Variants in SCN10A observed in about 807,000 individuals in gnomAD.
SCN10A encodes sodium voltage-gated channel alpha subunit 10.
In SCN10A, 162 loss-of-function variants were observed where a neutral mutation model predicts 170.7. The ratio of observed to expected loss-of-function variants is 0.95; its 90% CI spans 0.84 to 1.08. The LOEUF is 1.08. Among genes scored for constraint, SCN10A ranks in the 50% least tolerant of loss-of-function variants. The pLI, the probability that SCN10A is intolerant of heterozygous loss-of-function variation, is 0.00. For synonymous variants in SCN10A, 985 were observed against 904.6 expected (o/e 1.09, Z -1.59); for missense variants, 2,527 against 2,436.9 (o/e 1.04, Z -0.78).
At chr3:38,761,075 G>T in intron 7 of SCN10A, 117 bp downstream of exon 7, 1 of 828,524 alleles carries the variant, frequency 1.2e-6, no homozygotes, top group Non-Finnish European at 1.9e-6. Flanking sequence ...ATTTTGGCAG[G>T]AAAGGGGAGT....
At chr3:38,748,349 T>C (rs1353703667) in intron 13 of SCN10A, among the ~76,000 whole-genome samples, 2 of 152,214 alleles carry the variant, frequency 1.3e-5, no homozygotes, top group Non-Finnish European at 2.9e-5. Context: ...TACACGTTGT[T>C]GTTGAGAAAT....
Position 38,805,405 on chromosome 3 carries a change from G to C in SCN10A, c.-33+10632C>G, listed in dbSNP as rs139803749. Among the ~76,000 whole-genome samples the C allele has an allele frequency of 2.0e-5, 3 of 152,230 alleles. No homozygotes were observed. The East Asian group carries it at 5.8e-4, about 29-fold the overall frequency. Reference sequence around the variant, plus strand: ...TAGCTTTAGCACTGAAGATATTGCTGGGCTCTCCATGGCAACGTGAGCATG... The same window carrying C: ...TAGCTTTAGCACTGAAGATATTGCTCGGCTCTCCATGGCAACGTGAGCATG... On this transcript the variant is annotated intron_variant, in intron 1 of 27. Coordinates refer to ENST00000449082, the MANE Select transcript of SCN10A (RefSeq NM_006514.4).
Position 38,752,714 on chromosome 3 carries a change from G to A in SCN10A, c.1462-202C>T, listed in dbSNP as rs771335500. On this transcript the variant is annotated intron_variant, in intron 11 of 27. Transcript: ENST00000449082. ...AAAAAGGAGACTCTAGATAGACTCC[G>A]GGAAAGACCAGGAGAGAGGAGAGAT... Among the ~76,000 whole-genome samples the A allele has an allele frequency of 3.3e-5, 5 of 152,190 alleles. 1 individual carries two copies. The highest frequency in any genetic ancestry group is 4.1e-4 in the South Asian group (2 of 4,824).
In SCN10A at chr3:38,728,829, C is replaced by G; in HGVS notation, c.2353G>C (p.Gly785Arg). Residue 785 changes from glycine (G) to arginine (R), a missense_variant, in exon 16 of 28, where the codon GGG (glycine) becomes CGG (arginine). Coordinates refer to ENST00000449082, the MANE Select transcript of SCN10A (RefSeq NM_006514.4). Reference protein sequence around the residue: ...TLIKIIGNSVGALGNLTIILA... With the variant: ...TLIKIIGNSVRALGNLTIILA... ...ATGATGGTGAGGTTCCCCAGTGCCCCCACTGAGTTTCCGATGATCTTGATG... is the reference window on the plus strand; with the variant it reads ...ATGATGGTGAGGTTCCCCAGTGCCCGCACTGAGTTTCCGATGATCTTGATG... The G allele has an allele frequency of 1.2e-6, 2 of 1,614,162 alleles. No individual in the cohort carries two copies. The highest frequency in any genetic ancestry group is 1.6e-4 in the Middle Eastern group (1 of 6,062).
Position 38,726,080 on chromosome 3 carries a change from A to C in SCN10A, c.3087+526T>G, listed in dbSNP as rs565418897. 7.2e-5 allele frequency among the ~76,000 whole-genome samples: 11 copies of C among 152,376 alleles called. No individual in the cohort carries two copies. The South Asian group carries it at 2.3e-3, about 32-fold the overall frequency. ...GAGGGTTGATATACCAGCTTAAGGT[A>C]GTAAGGAATAGTGCCAAGTATTTAA... On this transcript the variant is annotated intron_variant, in intron 17 of 27. Transcript: ENST00000449082.
intron 15 of SCN10A, among the ~76,000 whole-genome samples, chr3:38,734,395 A>G (rs1259125653): frequency 2.0e-5 from 3 of 152,224 alleles, no homozygotes; most frequent in Admixed American, 6.5e-5. Flanking sequence ...AATGAAAGTC[A>G]GGAAAATTAT....
At chr3:38,798,679 T>C (rs968331884) in intron 1 of SCN10A, among the ~76,000 whole-genome samples, 1 of 152,104 alleles carries the variant, frequency 6.6e-6, no homozygotes, top group African/African-American at 2.4e-5. Flanking sequence ...TTTGCAGGTA[T>C]ATTCCCTTAA....
chr3:38,697,191 A>G lies in SCN10A; in HGVS notation c.*158T>C. 8.6e-7 allele frequency: 1 copy of G among 1,167,976 alleles called. No homozygotes were observed. The highest frequency in any genetic ancestry group is 1.6e-5 in the South Asian group (1 of 60,916). The allele number at this position is 1,167,976 out of a possible 1,614,324, so 72.4% of individuals were successfully genotyped here. ...CTATTTGTGTATGATGGTTTTTTCA[A>G]AGGTGGTTACCAGTTGCATTCCCTG... is the stretch of plus-strand genomic sequence containing the variant. On this transcript the variant is annotated 3_prime_UTR_variant, in exon 28 of 28. Coordinates refer to ENST00000449082, the MANE Select transcript of SCN10A (RefSeq NM_006514.4).
At chr3:38,735,169 C>CAAAAAAAA (rs543574832) in intron 15 of SCN10A, among the ~76,000 whole-genome samples, 20 of 76,132 alleles carry the variant, frequency 2.6e-4, no homozygotes, top group Middle Eastern at 8.2e-3. Flanking sequence ...GACTCTGTCT[C>CAAAAAAAA]AAAAAAAAAA....
At position 38,761,491 on chromosome 3, in the gene SCN10A, T is replaced by G. The variant is rs1440977914; in HGVS notation, c.692-108A>C. The G allele has an allele frequency of 2.6e-5, 24 of 932,442 alleles. No individual in the cohort carries two copies. The East Asian group carries it at 5.5e-4, about 21-fold the overall frequency. The allele number at this position is 932,442 out of a possible 1,614,324, so 57.8% of individuals were successfully genotyped here. A position where few individuals can be genotyped will look rare whatever the true frequency, so the allele number is the denominator to read the frequency against. On this transcript the variant is annotated intron_variant, in intron 6 of 27. Coordinates refer to ENST00000449082, the MANE Select transcript of SCN10A (RefSeq NM_006514.4). ...CATCTCTACATACAGGAGTGAAGTA[T>G]GTACACACTCCAGGGCAGTTCCAAG...
At chr3:38,810,822 T>A (rs1445315301) in intron 1 of SCN10A, among the ~76,000 whole-genome samples, 1 of 152,204 alleles carries the variant, frequency 6.6e-6, no homozygotes, top group Non-Finnish European at 1.5e-5. Context: ...AAAAATGAGA[T>A]CTCAGTGAAA....
At chr3:38,701,455 C>T (rs1559408898) in intron 27 of SCN10A, among the ~76,000 whole-genome samples, 1 of 152,188 alleles carries the variant, frequency 6.6e-6, no homozygotes. Context: ...AGACTCATCT[C>T]ACATTACACC....
chr3:38,706,141 T>C (rs181478384), intron 26 of SCN10A, among the ~76,000 whole-genome samples: 2 of 152,360 alleles, frequency 1.3e-5, no homozygotes, highest in Non-Finnish European at 2.9e-5. Flanking sequence ...AATAAATTCA[T>C]GACCACTATT....
intron 1 of SCN10A, among the ~76,000 whole-genome samples, chr3:38,814,991 G>A (rs1016107704): frequency 9.9e-5 from 15 of 152,162 alleles, no homozygotes; most frequent in Non-Finnish European, 1.6e-4. Context: ...TTCAAACTAC[G>A]TTTTAAAATC....
At chr3:38,808,854 G>A (rs1311185663) in intron 1 of SCN10A, among the ~76,000 whole-genome samples, 1 of 152,192 alleles carries the variant, frequency 6.6e-6, no homozygotes, top group African/African-American at 2.4e-5. Flanking sequence ...AGGAGTCATT[G>A]GAATGCAGTG....
chr3:38,712,400 C>A lies in SCN10A; in HGVS notation c.3850G>T (p.Val1284Phe), dbSNP rs2125989999. The A allele has an allele frequency of 1.9e-6, 3 of 1,614,192 alleles. No individual in the cohort carries two copies. In the East Asian group the frequency reaches 6.7e-5, roughly 36 times the overall value. ...CAGAAGATGAGGCAGACGAGGAGGA[C>A]ATTCATGATGGATGGGATGGCGCCC... ...LVGAIPSIMN[V>F]LLVCLIFWLI... Residue 1284 changes from valine (V) to phenylalanine (F), a missense_variant, in exon 23 of 28, where the codon GTC becomes TTC. Val to Phe is a conservative substitution (Grantham distance 50, BLOSUM62 -1). Coordinates refer to ENST00000449082, the MANE Select transcript of SCN10A (RefSeq NM_006514.4).
At chr3:38,712,505 C>A in intron 22 of SCN10A, 60 bp from the exon 23 acceptor site, 1 of 1,539,392 alleles carries the variant, frequency 6.5e-7, no homozygotes, top group Non-Finnish European at 8.9e-7. Context: ...CTGCTGGATT[C>A]TATCTCTTTC....
In SCN10A at chr3:38,771,317, A is replaced by T. The variant is rs756251559; in HGVS notation, c.561T>A (p.Asp187Glu). Residue 187 changes from aspartate (D) to glutamate (E), a missense_variant, in exon 5 of 28, where the codon GAT (aspartate) becomes GAA (glutamate). Transcript: ENST00000449082. ...CGCTAAAATCCAGCCAGTTCCAAGG[A>T]TCTCTCAGGTACGTGAACTCATTTA... ...FCLNEFTYLR[D>E]PWNWLDFSVI... 2 of 1,614,168 alleles carry T rather than the reference A, an allele frequency of 1.2e-6. No homozygotes were observed. The highest frequency in any genetic ancestry group is 2.2e-5 in the South Asian group (2 of 91,086).
intron 26 of SCN10A, among the ~76,000 whole-genome samples, chr3:38,702,378 A>G (rs920021762): frequency 2.6e-5 from 4 of 152,000 alleles, no homozygotes; most frequent in African/African-American, 7.3e-5. Flanking sequence ...ATGCCCTCCT[A>G]TCTCCTCTCT....
Sources: allele counts gnomAD v4.1 joint callset (sites outside exome capture counted in the v4.1 genomes callset), GRCh38; gene constraint gnomAD v4.1.1; transcripts MANE v1.5; gene names NCBI Gene and HGNC (gene_info 2026-07-23, HGNC 2026-07-21).